Variants in CNOT3 observed in about 807,000 individuals in gnomAD.
CNOT3 encodes the protein CCR4-associated factor 3.
In CNOT3, 2 loss-of-function variants were observed where a neutral mutation model predicts 89.4. The ratio of observed to expected loss-of-function variants is 0.02; its 90% confidence interval spans 0.01 to 0.07. The LOEUF (loss-of-function observed/expected upper bound fraction) is 0.07. Ranked by LOEUF, CNOT3 falls within the 10% of genes least tolerant of loss-of-function variation. The probability of loss-of-function intolerance (pLI) is 1.00; values close to 1 mark genes in which losing one functional copy is unlikely to be tolerated. For synonymous variants in CNOT3, 486 were observed against 402.0 expected, an observed-to-expected ratio of 1.21 and a Z score of -2.50; for missense variants, 664 against 1,010.2, an observed-to-expected ratio of 0.66 and a Z score of 4.65.
chr19:54,152,620 G>A lies in CNOT3; in HGVS notation c.1898G>A (p.Arg633His). ...HHMPHPSDSERIRQYLPRNPC... is the reference protein window; with the variant it reads ...HHMPHPSDSEHIRQYLPRNPC... ...ATGCCTCACCCCTCTGACTCTGAGCGTATTCGGTGAGGGGCCACAGGGAAG... is the reference window on the plus strand; with the variant it reads ...ATGCCTCACCCCTCTGACTCTGAGCATATTCGGTGAGGGGCCACAGGGAAG... Residue 633 changes from arginine to histidine, a missense_variant, in exon 15 of 18, where the codon CGT becomes CAT. By Grantham distance (29) the Arg-to-His change is conservative (BLOSUM62 0). Transcript: ENST00000221232. 1 of 1,611,036 alleles carries A rather than the reference G, an allele frequency of 6.2e-7. No homozygotes were observed. Among genetic ancestry groups the A allele is most frequent in the Non-Finnish European group, 8.5e-7 (1 of 1,178,326 alleles).
rs587725173 is a variant in CNOT3 at position 54,140,441 on chromosome 19, G to T, written c.-51+2448G>T. On this transcript the variant is annotated intron_variant, in intron 1 of 17. Coordinates refer to ENST00000221232, the MANE Select transcript of CNOT3 (RefSeq NM_014516.4). ...CCTTCCTTGGAGGATCTTGGTGGAT[G>T]CCCCCCTGACTACAGCAAATGGGGC... is the stretch of plus-strand genomic sequence containing the variant. 5.3e-5 allele frequency among the ~76,000 whole-genome samples: 8 copies of T among 152,222 alleles called. No homozygotes were observed. The South Asian group carries it at 1.5e-3, about 28-fold the overall frequency.
intron 1 of CNOT3, 54 bp from the exon 2 acceptor site, chr19:54,142,875 G>C: frequency 3.4e-6 from 4 of 1,193,452 alleles, no homozygotes; most frequent in Non-Finnish European, 5.0e-6. Flanking sequence ...CATGTCTCTG[G>C]GTTTTTACCA....
In CNOT3 at chr19:54,145,483, C is replaced by T. The variant is rs587770155; in HGVS notation, c.484-115C>T. On this transcript the variant is annotated intron_variant, in intron 7 of 17. Transcript: ENST00000221232. This position sits in a 1 kb window ranked among gnomAD's most constrained non-coding sequence, Gnocchi z 5.9. ...TACTGCCCCACCCCGAAGGGGATGG[C>T]GTGGAGGCTTTGGGTCTCCACAGGG... 20 of 707,878 alleles carry T rather than the reference C, an allele frequency of 2.8e-5. No individual in the cohort carries two copies. Among genetic ancestry groups the T allele is most frequent in the Admixed American group, 2.2e-5 (1 of 44,952 alleles). 43.8% of individuals were successfully genotyped at this position (707,878 alleles called of 1,614,324 possible). A position where few individuals can be genotyped will look rare whatever the true frequency, so the allele number is the denominator to read the frequency against.
At position 54,146,127 on chromosome 19, in the gene CNOT3, T is replaced by C. The variant is rs140816479; in HGVS notation, c.837+84T>C. 5,095 of 1,482,080 alleles carry C rather than the reference T, an allele frequency of 3.4e-3. 13 individuals are homozygous for C. The highest frequency in any genetic ancestry group is 4.3e-3 in the Non-Finnish European group (4,613 of 1,083,952). The allele number at this position is 1,482,080 out of a possible 1,614,324, so 91.8% of individuals were successfully genotyped here. ...CAAATCTGGGTCACTCCAAAGTGGC[T>C]ATGGGAGCGTAATTGAGGAAACACA... On this transcript the variant is annotated intron_variant, in intron 9 of 17. Coordinates refer to ENST00000221232, the MANE Select transcript of CNOT3 (RefSeq NM_014516.4).
rs368877712 is a variant in CNOT3, at chr19:54,148,142, C to T, written c.895-6C>T. The stretch of plus-strand genomic sequence containing the variant: ...GTCCTGACCCTCTGCTCTCTCCCAC[C>T]CGCAGTCTCCAGCCAAAAACGGCTC... On this transcript the variant is annotated splice_polypyrimidine_tract_variant and splice_region_variant and intron_variant, in intron 10 of 17. Coordinates refer to ENST00000221232, the MANE Select transcript of CNOT3 (RefSeq NM_014516.4). The surrounding 1 kb of genome is among the most constrained non-coding windows in gnomAD (Gnocchi z 6.3). 5 of 1,491,504 alleles carry T rather than the reference C, an allele frequency of 3.4e-6. No homozygotes were observed. In the East Asian group the frequency reaches 1.0e-4, roughly 30 times the overall value. 92.4% of individuals were successfully genotyped at this position (1,491,504 alleles called of 1,614,324 possible).
intron 17 of CNOT3, chr19:54,154,264 G>C (rs1055234): frequency 0.56 from 191,930 of 345,074 alleles, 56,313 homozygotes; most frequent in African/African-American, 0.8. Flanking sequence ...GGCTCAGTGC[G>C]GAAACTATTT....
intron 17 of CNOT3, chr19:54,154,150 G>A (rs2075296022): frequency 7.0e-6 from 4 of 573,618 alleles, no homozygotes; most frequent in Middle Eastern, 5.4e-4. Context: ...CTGGGGTGTG[G>A]GATTTTCCCA....
At chr19:54,152,400 G>C (rs1436853510) in intron 14 of CNOT3, 28 bp from the exon 15 acceptor site, 1 of 1,613,702 alleles carries the variant, frequency 6.2e-7, no homozygotes, top group African/African-American at 1.3e-5. Flanking sequence ...TCACCACTGA[G>C]GGGGCCGGAC....
chr19:54,148,894 C>T lies in CNOT3; in HGVS notation c.1406+151C>T, dbSNP rs1372811016. On this transcript the variant is annotated intron_variant, in intron 12 of 17. Coordinates refer to ENST00000221232, the MANE Select transcript of CNOT3 (RefSeq NM_014516.4). This position sits in a 1 kb window ranked among gnomAD's most constrained non-coding sequence, Gnocchi z 6.3. Reference sequence around the variant, plus strand: ...TATCCTCCATCTCCCTCGGGTGTTACACCCCCACTTCTTTCCAGCAAGGAA... The same window carrying T: ...TATCCTCCATCTCCCTCGGGTGTTATACCCCCACTTCTTTCCAGCAAGGAA... The T allele has an allele frequency of 7.5e-6, 5 of 662,800 alleles. No individual in the cohort carries two copies. The Admixed American group carries it at 1.2e-4, about 16-fold the overall frequency. 41.1% of individuals were successfully genotyped at this position (662,800 alleles called of 1,614,324 possible).
At chr19:54,146,494 C>T in intron 9 of CNOT3, 107 bp from the exon 10 acceptor site, 1 of 750,880 alleles carries the variant, frequency 1.3e-6, no homozygotes, top group Non-Finnish European at 2.5e-6. Flanking sequence ...TCTGGGGCCG[C>T]AATGGCAGTC....
intron 12 of CNOT3, among the ~76,000 whole-genome samples, chr19:54,149,090 C>G (rs867240211): frequency 3.3e-5 from 5 of 152,198 alleles, no homozygotes; most frequent in Admixed American, 6.5e-5. Context: ...GTGAATTGTC[C>G]CGAAGTCCTT....
chr19:54,152,930 C>A lies in CNOT3; in HGVS notation c.1968C>A (p.His656Gln). ...ACCACCACCAGATGCCACCCCCACACTCGGACACTGTGGAATTCTACCAGC... is the reference window on the plus strand; with the variant it reads ...ACCACCACCAGATGCCACCCCCACAATCGGACACTGTGGAATTCTACCAGC... ...PPYHHQMPPP[H>Q]SDTVEFYQRL... is the part of the protein sequence containing the mutation. The change falls in exon 16 of 18, where the codon CAC becomes CAA. Residue 656 changes from histidine (H) to glutamine (Q), a missense_variant. By Grantham distance (24) the His-to-Gln change is conservative. Around this residue, in one of 8 missense-constraint regions of CNOT3, gnomAD observed 545 missense variants for 566.2 expected, o/e 0.96. Transcript: ENST00000221232. 6.2e-7 allele frequency: 1 copy of A among 1,605,710 alleles called. No homozygotes were observed. Among genetic ancestry groups the A allele is most frequent in the Non-Finnish European group, 8.5e-7 (1 of 1,173,890 alleles).
At chr19:54,154,943 G>A (rs191239127) in intron 17 of CNOT3, 59 of 237,394 alleles carry the variant, frequency 2.5e-4, no homozygotes, top group African/African-American at 5.4e-4. Flanking sequence ...CCACTGCCTC[G>A]AGGTCTTTGT....
intron 10 of CNOT3, among the ~76,000 whole-genome samples, chr19:54,147,375 G>A (rs1213783588): frequency 1.3e-5 from 2 of 152,204 alleles, no homozygotes; most frequent in Admixed American, 6.5e-5. Context: ...GGACCCGCAG[G>A]TAGTAGTGAG....
At position 54,143,431 on chromosome 19, in the gene CNOT3, C is replaced by T; in HGVS notation, c.94-11C>T. ...TCCCACACTGACTTCTCAATTCTCT[C>T]CATCCCTCAGCTCCACAATGCAGCC... On this transcript the variant is annotated splice_polypyrimidine_tract_variant and intron_variant, in intron 3 of 17. Coordinates refer to ENST00000221232, the MANE Select transcript of CNOT3 (RefSeq NM_014516.4). The T allele has an allele frequency of 6.2e-7, 1 of 1,613,732 alleles. No individual in the cohort carries two copies. Among genetic ancestry groups the T allele is most frequent in the Non-Finnish European group, 8.5e-7 (1 of 1,179,776 alleles).
At chr19:54,154,115 C>T (rs2075293709) in intron 17 of CNOT3, 5 of 666,424 alleles carry the variant, frequency 7.5e-6, no homozygotes, top group African/African-American at 5.3e-5. Context: ...CAGTGCCTCC[C>T]CTTTGCAGTG....
intron 1 of CNOT3, chr19:54,141,634 G>A (rs149550305): frequency 6.6e-6 from 1 of 152,394 alleles, no homozygotes; most frequent in East Asian, 1.9e-4. Context: ...TTTGCCAGAT[G>A]TTCCCTTCTT....
intron 1 of CNOT3, among the ~76,000 whole-genome samples, chr19:54,139,465 T>C (rs936991853): frequency 6.6e-6 from 1 of 152,142 alleles, no homozygotes; most frequent in African/African-American, 2.4e-5. Flanking sequence ...CGGGTTCCTG[T>C]ACTGCGAGGT....
At position 54,155,492 on chromosome 19, in the gene CNOT3, G is replaced by A; in HGVS notation, c.*85G>A. 9.6e-7 allele frequency: 1 copy of A among 1,039,384 alleles called. No homozygotes were observed. The highest frequency in any genetic ancestry group is 1.4e-6 in the Non-Finnish European group (1 of 714,700). 64.4% of individuals were successfully genotyped at this position (1,039,384 alleles called of 1,614,324 possible). A position where few individuals can be genotyped will look rare whatever the true frequency, so the allele number is the denominator to read the frequency against. ...AGGGCCCTGCCCTGGAAGACTGGAG[G>A]GAGGCCCCAAGCCACGGGGCATCCC... On this transcript the variant is annotated 3_prime_UTR_variant, in exon 18 of 18. Transcript: ENST00000221232.
Sources: allele counts gnomAD v4.1 joint callset (sites outside exome capture counted in the v4.1 genomes callset), GRCh38; gene constraint gnomAD v4.1.1; regional missense constraint gnomAD v4.1.1; non-coding constraint Gnocchi (gnomAD v3.1); transcripts MANE v1.5; gene names NCBI Gene and HGNC (gene_info 2026-07-23, HGNC 2026-07-21).